Variants in TNKS2 observed in about 807,000 individuals in gnomAD.
TNKS2 encodes the protein tankyrase 2, also known as poly [ADP-ribose] polymerase tankyrase-2.
Under a neutral mutation model 137.6 loss-of-function variants are expected in TNKS2, and 72 were observed. That is an observed-to-expected ratio of 0.52 (90% confidence interval 0.43 to 0.64). TNKS2 has a LOEUF of 0.64. Ranked by LOEUF, TNKS2 falls within the 30% of genes least tolerant of loss-of-function variation. The pLI is 0.00. For synonymous variants in TNKS2, 516 were observed against 512.1 expected, an observed-to-expected ratio of 1.01 and a Z score of -0.10; for missense variants, 1,049 against 1,410.2, an observed-to-expected ratio of 0.74 and a Z score of 4.10.
At chr10:91,830,140 T>G (rs1358688136) in intron 9 of TNKS2, among the ~76,000 whole-genome samples, 5 of 152,188 alleles carry the variant, frequency 3.3e-5, no homozygotes, top group South Asian at 4.1e-4. Context: ...TTGAGAGAGA[T>G]ATAAATACTG....
In TNKS2 at chr10:91,822,305, A is replaced by G. The variant is rs751398526; in HGVS notation, c.738A>G (p.Val246=). 9 of 1,613,052 alleles carry G rather than the reference A, an allele frequency of 5.6e-6. No homozygotes were observed. In the African/African-American group the frequency reaches 1.1e-4, roughly 19 times the overall value. Residue 246 remains valine (V), a synonymous_variant, in exon 7 of 27, where the codon GTA becomes GTG. Coordinates refer to ENST00000371627, the MANE Select transcript of TNKS2 (RefSeq NM_025235.4). ...CCCCTTCTCATTGTAGTGATCTGGT[A>G]CCATTACACAATGCCTGTTCTTATG... The part of the protein sequence containing the change: ...DVHAKDKGDL[V]PLHNACSYGH...
chr10:91,838,643 C>T (rs1842109474), intron 13 of TNKS2, among the ~76,000 whole-genome samples: 1 of 152,142 alleles, frequency 6.6e-6, no homozygotes, highest in Non-Finnish European at 1.5e-5. Context: ...TGACTTGAGA[C>T]CCACTGAAAT....
chr10:91,845,492 T>C (rs1039978927), intron 17 of TNKS2, among the ~76,000 whole-genome samples: 9 of 152,234 alleles, frequency 5.9e-5, no homozygotes, highest in Admixed American at 4.6e-4. Flanking sequence ...AAATTAGAAA[T>C]TATTGAAGTC....
rs529140156 is a variant in TNKS2 at position 91,808,637 on chromosome 10, G to A, written c.200-4346G>A. The stretch of plus-strand genomic sequence containing the variant: ...GTCAGTGGAAATAGAAGTTGGAAAC[G>A]TGTTGAGTTTGAGATACCTTTAAAA... On this transcript the variant is annotated intron_variant, in intron 1 of 26. Coordinates refer to ENST00000371627, the MANE Select transcript of TNKS2 (RefSeq NM_025235.4). 1.4e-4 allele frequency among the ~76,000 whole-genome samples: 22 copies of A among 152,268 alleles called. No homozygotes were observed. In the South Asian group the frequency reaches 3.9e-3, roughly 27 times the overall value.
intron 15 of TNKS2, among the ~76,000 whole-genome samples, chr10:91,841,750 T>A (rs1842215003): frequency 6.6e-6 from 1 of 152,160 alleles, no homozygotes; most frequent in African/African-American, 2.4e-5. Context: ...GATGAATTAT[T>A]TACTTACAAG....
rs1844057097 is a variant in TNKS2 at position 91,798,858 on chromosome 10, C to T, written c.168C>T (p.Gly56=). Reference sequence around the variant, plus strand: ...AGGTGAACAGCCGCGACACGGCGGGCAGGAAATCCACCCCGCTGCACTTCG... The same window carrying T: ...AGGTGAACAGCCGCGACACGGCGGGTAGGAAATCCACCCCGCTGCACTTCG... ...PEKVNSRDTA[G]RKSTPLHFAA... The change falls in exon 1 of 27, where the codon GGC becomes GGT. Residue 56 remains glycine (G), a synonymous_variant. Transcript: ENST00000371627. 3 of 1,361,474 alleles carry T rather than the reference C, an allele frequency of 2.2e-6. No homozygotes were observed. Among genetic ancestry groups the T allele is most frequent in the East Asian group, 3.0e-5 (1 of 33,010 alleles). 84.3% of individuals were successfully genotyped at this position (1,361,474 alleles called of 1,614,324 possible). A position where few individuals can be genotyped will look rare whatever the true frequency, so the allele number is the denominator to read the frequency against.
At chr10:91,815,201 T>C (rs1270095601) in intron 2 of TNKS2, among the ~76,000 whole-genome samples, 1 of 152,164 alleles carries the variant, frequency 6.6e-6, no homozygotes, top group Non-Finnish European at 1.5e-5. Flanking sequence ...TTCAGTGCAC[T>C]AGAGAAAGTC....
intron 1 of TNKS2, among the ~76,000 whole-genome samples, chr10:91,802,043 T>C (rs1368532920): frequency 6.6e-6 from 1 of 152,172 alleles, no homozygotes; most frequent in Non-Finnish European, 1.5e-5. Context: ...CTTAGAACTC[T>C]TGGAGTAGGG....
At chr10:91,833,247 C>T (rs564565426) in intron 11 of TNKS2, among the ~76,000 whole-genome samples, 2 of 152,240 alleles carry the variant, frequency 1.3e-5, no homozygotes, top group African/African-American at 2.4e-5. Context: ...CATAAAAGTG[C>T]GTTCTAGGCC....
Position 91,865,322 on chromosome 10 carries a change from A to G in TNKS2, c.*2323A>G, listed in dbSNP as rs1273145621. On this transcript the variant is annotated 3_prime_UTR_variant, in exon 27 of 27. Coordinates refer to ENST00000371627, the MANE Select transcript of TNKS2 (RefSeq NM_025235.4). Reference sequence around the variant, plus strand: ...TACTGGAATAGTATAAATGTGTTGAATGGTCTTTGAGAAAATGAATTAAGA... The same window carrying G: ...TACTGGAATAGTATAAATGTGTTGAGTGGTCTTTGAGAAAATGAATTAAGA... 1 of 152,572 alleles carries G rather than the reference A, an allele frequency of 6.6e-6. No individual in the cohort carries two copies. The highest frequency in any genetic ancestry group is 6.5e-5 in the Admixed American group (1 of 15,270). 9.5% of individuals were successfully genotyped at this position (152,572 alleles called of 1,614,324 possible). A position where few individuals can be genotyped will look rare whatever the true frequency, so the allele number is the denominator to read the frequency against.
intron 4 of TNKS2, 23 bp from the exon 5 acceptor site, chr10:91,819,459 C>G: frequency 1.3e-6 from 2 of 1,549,802 alleles, no homozygotes; most frequent in Non-Finnish European, 1.7e-6. Context: ...ATGCAAATTA[C>G]TAATACTTTT....
In TNKS2 at chr10:91,855,140, A is replaced by G; in HGVS notation, c.2913+14A>G. The G allele has an allele frequency of 6.8e-7, 1 of 1,468,360 alleles. No individual in the cohort carries two copies. The allele number at this position is 1,468,360 out of a possible 1,614,324, so 91.0% of individuals were successfully genotyped here. On this transcript the variant is annotated intron_variant, in intron 22 of 26. Transcript: ENST00000371627. Reference sequence around the variant, plus strand: ...GTGGAGGAAGAGGTATGTTCATATAACTTCAATAGTAGGTTTGCCGTATAT... The same window carrying G: ...GTGGAGGAAGAGGTATGTTCATATAGCTTCAATAGTAGGTTTGCCGTATAT...
At chr10:91,853,460 C>T (rs1000511232) in intron 21 of TNKS2, among the ~76,000 whole-genome samples, 2 of 152,124 alleles carry the variant, frequency 1.3e-5, no homozygotes, top group African/African-American at 4.8e-5. Context: ...TTTCCCCCAA[C>T]CTGATGTTAG....
intron 24 of TNKS2, among the ~76,000 whole-genome samples, chr10:91,858,384 T>C (rs1842767288): frequency 1.3e-5 from 2 of 152,178 alleles, no homozygotes; most frequent in African/African-American, 2.4e-5. Context: ...GGTTATAATA[T>C]GGTTTTTCTA....
At chr10:91,812,819 G>A in intron 1 of TNKS2, 164 bp from the exon 2 acceptor site, 3 of 982,608 alleles carry the variant, frequency 3.1e-6, no homozygotes, top group African/African-American at 3.5e-5. Context: ...TATCATTAAG[G>A]TTAGTTATTG....
rs531304912 is a variant in TNKS2, at chr10:91,810,094, C to G, written c.200-2889C>G. Among the ~76,000 whole-genome samples the G allele has an allele frequency of 1.3e-4, 20 of 152,162 alleles. No individual in the cohort carries two copies. In the East Asian group the frequency reaches 3.9e-3, roughly 30 times the overall value. On this transcript the variant is annotated intron_variant, in intron 1 of 26. Coordinates refer to ENST00000371627, the MANE Select transcript of TNKS2 (RefSeq NM_025235.4). Reference sequence around the variant, plus strand: ...ATCTTAAATAAGATCTAATTGAAATCTGACTGGGCCCAGTGCGGTGGCTTG... The same window carrying G: ...ATCTTAAATAAGATCTAATTGAAATGTGACTGGGCCCAGTGCGGTGGCTTG...
At chr10:91,847,870 G>A (rs958904029) in intron 18 of TNKS2, among the ~76,000 whole-genome samples, 2 of 152,070 alleles carry the variant, frequency 1.3e-5, no homozygotes, top group Admixed American at 1.3e-4. Flanking sequence ...TCTGTAATTC[G>A]TTGTGCTTCT....
Sources: gnomAD v4.1 joint callset for allele counts (sites outside exome capture counted in the v4.1 genomes callset) on GRCh38, gnomAD v4.1.1 for gene constraint, MANE v1.5 for transcripts, NCBI Gene and HGNC (gene_info 2026-07-23, HGNC 2026-07-21) for gene names.